The following BANK1 variants were observed in gnomAD, a reference collection of about 807,000 sequenced individuals.
BANK1 encodes B-cell scaffold protein with ankyrin repeats.
BANK1 carries 95 observed loss-of-function variants against 94.5 expected under a neutral mutation model. That is an observed-to-expected ratio of 1.00 (90% CI 0.85 to 1.19). BANK1 has a LOEUF of 1.19. Ranked by LOEUF, BANK1 falls within the 50% of genes most tolerant of loss-of-function variation. The pLI, the probability that BANK1 is intolerant of heterozygous loss-of-function variation, is 0.00. For missense variants in BANK1, 987 were observed against 932.2 expected (o/e 1.06, Z -0.77); for synonymous variants, 334 against 308.4 (o/e 1.08, Z -0.87).
intron 7 of BANK1, among the ~76,000 whole-genome samples, chr4:101,998,079 CT>C (rs1326522346): frequency 1.2e-4 from 18 of 152,180 alleles, no homozygotes; most frequent in Admixed American, 1.2e-3. Flanking sequence ...CCTGTAAACA[CT>C]GCTTTACTTG....
intron 6 of BANK1, among the ~76,000 whole-genome samples, chr4:101,896,111 A>T (rs559714794): frequency 1.3e-5 from 2 of 152,102 alleles, no homozygotes; most frequent in African/African-American, 4.8e-5. Context: ...AAATATACAA[A>T]TATCAAGAAA....
intron 2 of BANK1, among the ~76,000 whole-genome samples, chr4:101,848,433 T>C (rs1473805570): frequency 2.6e-5 from 4 of 152,220 alleles, no homozygotes; most frequent in Admixed American, 2.6e-4. Context: ...TTTTTTCTTT[T>C]AGGCAATAAA....
In BANK1 at chr4:102,074,751, T is replaced by TTAAAG. The variant is rs990782878; in HGVS notation, c.*757_*761dup. On this transcript the variant is annotated 3_prime_UTR_variant, in exon 17 of 17. Transcript: ENST00000322953. ...AATGTTTAAAGCTATGTCTGAGTTT[T>TTAAAG]TAAAGTAAATTTATAAGAATTAGCC... The TTAAAG allele has an allele frequency of 6.0e-5, 9 of 149,764 alleles. No individual in the cohort carries two copies. Among genetic ancestry groups the TTAAAG allele is most frequent in the Non-Finnish European group, 1.0e-4 (7 of 66,938 alleles). 9.3% of individuals were successfully genotyped at this position (149,764 alleles called of 1,614,324 possible).
intron 10 of BANK1, among the ~76,000 whole-genome samples, chr4:102,036,228 A>T (rs1424466270): frequency 1.3e-5 from 2 of 152,192 alleles, no homozygotes; most frequent in African/African-American, 2.4e-5. Context: ...TTTGAGAGCT[A>T]CTCAGCTACA....
intron 7 of BANK1, among the ~76,000 whole-genome samples, chr4:101,988,636 C>T (rs913373037): frequency 6.6e-6 from 1 of 152,158 alleles, no homozygotes; most frequent in Non-Finnish European, 1.5e-5. Flanking sequence ...TGTATGTGTT[C>T]ATCACAGTCT....
At chr4:101,941,581 G>GA (rs1723741601) in intron 7 of BANK1, among the ~76,000 whole-genome samples, 1 of 151,798 alleles carries the variant, frequency 6.6e-6, no homozygotes, top group Admixed American at 6.6e-5. Context: ...CACCAATTCT[G>GA]AAAAATGAAT....
intron 6 of BANK1, among the ~76,000 whole-genome samples, chr4:101,917,172 A>T (rs1007186540): frequency 6.6e-6 from 1 of 151,986 alleles, no homozygotes; most frequent in South Asian, 2.1e-4. Flanking sequence ...GATTCCTTTG[A>T]TTCTGTGGCT....
intron 7 of BANK1, among the ~76,000 whole-genome samples, chr4:101,977,984 G>T (rs537408370): frequency 6.6e-6 from 1 of 151,802 alleles, no homozygotes; most frequent in African/African-American, 2.4e-5. Context: ...TGTTTTTTGA[G>T]ACGGAGTCTC....
chr4:101,895,684 C>T (rs1184511550), intron 6 of BANK1, among the ~76,000 whole-genome samples: 2 of 151,784 alleles, frequency 1.3e-5, no homozygotes, highest in African/African-American at 4.8e-5. Flanking sequence ...TGGGCAACTT[C>T]ATTTAGGATA....
chr4:101,817,813 T>C (rs1578334344), intron 1 of BANK1, among the ~76,000 whole-genome samples: 1 of 151,632 alleles, frequency 6.6e-6, no homozygotes, highest in South Asian at 2.1e-4. Flanking sequence ...TTGTAAACTT[T>C]CTTAAAACAT....
chr4:102,057,555 T>G (rs777700841), intron 11 of BANK1, among the ~76,000 whole-genome samples: 2 of 152,092 alleles, frequency 1.3e-5, no homozygotes, highest in South Asian at 4.1e-4. Flanking sequence ...GGTCTGGAAC[T>G]CCTTGGCTCA....
intron 4 of BANK1, among the ~76,000 whole-genome samples, chr4:101,864,022 T>G (rs1727977776): frequency 6.6e-6 from 1 of 152,150 alleles, no homozygotes; most frequent in African/African-American, 2.4e-5. Context: ...AAAGTTCAAA[T>G]TAATTATAAG....
intron 6 of BANK1, among the ~76,000 whole-genome samples, chr4:101,902,881 A>T (rs1203183911): frequency 3.3e-5 from 5 of 152,224 alleles, no homozygotes; most frequent in Admixed American, 2.0e-4. Flanking sequence ...GAGTGATGTA[A>T]AAAGGGTGCA....
chr4:101,899,597 A>G (rs1283521781), intron 6 of BANK1, among the ~76,000 whole-genome samples: 1 of 152,204 alleles, frequency 6.6e-6, no homozygotes, highest in African/African-American at 2.4e-5. Context: ...TCACGTTTAC[A>G]GTGTTTCTTC....
intron 2 of BANK1, among the ~76,000 whole-genome samples, chr4:101,837,399 A>G (rs1726869583): frequency 6.6e-6 from 1 of 152,176 alleles, no homozygotes; most frequent in Non-Finnish European, 1.5e-5. Context: ...AAAGTGATGG[A>G]TTGTTTGAAA....
At chr4:101,918,324 A>G (rs1722897733) in intron 7 of BANK1, 135 bp downstream of exon 7, 1 of 469,772 alleles carries the variant, frequency 2.1e-6, no homozygotes. Context: ...ACATGAAAAC[A>G]TATCAATAAT....
chr4:101,913,204 G>T (rs1161482960), intron 6 of BANK1, among the ~76,000 whole-genome samples: 1 of 151,986 alleles, frequency 6.6e-6, no homozygotes, highest in East Asian at 1.9e-4. Flanking sequence ...ATTTTCAAAA[G>T]GAATTTTTTT....
intron 2 of BANK1, among the ~76,000 whole-genome samples, chr4:101,839,006 CTT>C (rs547811340): frequency 3.5e-4 from 54 of 152,236 alleles, no homozygotes; most frequent in African/African-American, 1.3e-3. Context: ...GAGTGAGAAA[CTT>C]ATATATTTTA....
At chr4:101,827,352 A>C (rs989265288) in intron 1 of BANK1, among the ~76,000 whole-genome samples, 1 of 151,874 alleles carries the variant, frequency 6.6e-6, no homozygotes, top group South Asian at 2.1e-4. Context: ...TACTTTTTAG[A>C]TTATTTATTA....
Sources: allele counts gnomAD v4.1 joint callset (sites outside exome capture counted in the v4.1 genomes callset), GRCh38; gene constraint gnomAD v4.1.1; transcripts MANE v1.5; gene names NCBI Gene and HGNC (gene_info 2026-07-23, HGNC 2026-07-21).